CLEC16A: variants seen among roughly 807,000 people sequenced by gnomAD.
The protein encoded by CLEC16A is C-type lectin domain containing 16A.
In CLEC16A, 51 loss-of-function variants were observed where a neutral mutation model predicts 109.5. The observed-to-expected ratio is 0.47, with a 90% CI of 0.37 to 0.59. The LOEUF (loss-of-function observed/expected upper bound fraction) is 0.59, where lower values mean the gene tolerates loss of function less well. CLEC16A is among the 20% of genes least tolerant of loss of function. CLEC16A has a pLI of 0.00. For synonymous variants in CLEC16A, 673 were observed against 564.2 expected (o/e 1.19, Z -2.73); for missense variants, 1,339 against 1,394.0 (o/e 0.96, Z 0.63).
chr16:11,031,228 A>G (rs1454564512), intron 13 of CLEC16A, among the ~76,000 whole-genome samples: 1 of 152,202 alleles, frequency 6.6e-6, no homozygotes, highest in Non-Finnish European at 1.5e-5. Flanking sequence ...CCCCAAGGCC[A>G]TCTCTTCCTG....
At chr16:11,053,863 A>G (rs12102345) in intron 18 of CLEC16A, among the ~76,000 whole-genome samples, 35,187 of 152,182 alleles carry the variant, frequency 0.23, 6,013 homozygotes, top group African/African-American at 0.48. Flanking sequence ...TGGGACAGCA[A>G]AAACACAGCC....
intron 11 of CLEC16A, among the ~76,000 whole-genome samples, chr16:11,014,854 A>G (rs1225065277): frequency 6.6e-6 from 1 of 152,200 alleles, no homozygotes; most frequent in African/African-American, 2.4e-5. Flanking sequence ...AGTGGCACAG[A>G]ACCGTGCCAA....
chr16:11,046,613 G>A (rs563243499), intron 16 of CLEC16A, among the ~76,000 whole-genome samples: 1 of 152,104 alleles, frequency 6.6e-6, no homozygotes, highest in Non-Finnish European at 1.5e-5. Context: ...GTGCCTCCTC[G>A]CATTTCATGT....
intron 7 of CLEC16A, among the ~76,000 whole-genome samples, chr16:10,976,325 G>A (rs936780519): frequency 7.1e-6 from 1 of 140,138 alleles, no homozygotes; most frequent in African/African-American, 2.9e-5. Context: ...TGTAAAAGAA[G>A]CAGAATTGAT....
chr16:11,118,118 T>A (rs1018588744), intron 19 of CLEC16A, among the ~76,000 whole-genome samples: 22 of 151,562 alleles, frequency 1.5e-4, no homozygotes, highest in African/African-American at 5.1e-4. Context: ...GTGAGGCTAA[T>A]TTTTTTTCTG....
chr16:11,152,061 C>G (rs1034331388), intron 22 of CLEC16A, among the ~76,000 whole-genome samples: 12 of 152,150 alleles, frequency 7.9e-5, no homozygotes, highest in African/African-American at 2.9e-4. Context: ...GGCTAGGAAC[C>G]AGCATTGAAC....
intron 19 of CLEC16A, among the ~76,000 whole-genome samples, chr16:11,089,727 C>A (rs150039012): frequency 1.3e-5 from 2 of 152,240 alleles, no homozygotes; most frequent in African/African-American, 4.8e-5. Flanking sequence ...CCCAGGTGGC[C>A]AGGGAAGGGC....
chr16:11,126,937 C>G (rs2052867168), intron 22 of CLEC16A: 1 of 152,198 alleles, frequency 6.6e-6, no homozygotes, highest in South Asian at 2.1e-4. Flanking sequence ...GATTTAAGAA[C>G]AAAACGCAGC....
At chr16:11,109,931 C>T (rs960652373) in intron 19 of CLEC16A, among the ~76,000 whole-genome samples, 3 of 152,218 alleles carry the variant, frequency 2.0e-5, no homozygotes, top group African/African-American at 7.2e-5. Flanking sequence ...TGGATATCCC[C>T]CTGTAAGGAA....
chr16:11,056,600 AC>A (rs2048226108), intron 18 of CLEC16A: 1 of 152,226 alleles, frequency 6.6e-6, no homozygotes. Context: ...ATTTGTCCCC[AC>A]ATTGTTTCCC....
At chr16:11,041,126 T>C (rs1417158306) in intron 14 of CLEC16A, 1 of 152,238 alleles carries the variant, frequency 6.6e-6, no homozygotes, top group African/African-American at 2.4e-5. Context: ...GGGTTTTGGC[T>C]TTCTGAGCAC....
In CLEC16A at chr16:11,178,303, A is replaced by T; in HGVS notation, c.2807-32A>T. On this transcript the variant is annotated intron_variant, in intron 23 of 23. Coordinates refer to ENST00000409790, the MANE Select transcript of CLEC16A (RefSeq NM_015226.3). The surrounding 1 kb of genome is among the most constrained non-coding windows in gnomAD (Gnocchi z 6.5). ...GTGCGACGGGGTGTCTCAAGGGCTC[A>T]GTGTGTTTCCGGTTTTTCTCCCCCA... The T allele has an allele frequency of 2.6e-6, 4 of 1,565,392 alleles. No individual in the cohort carries two copies. The highest frequency in any genetic ancestry group is 3.5e-6 in the Non-Finnish European group (4 of 1,144,896).
At chr16:11,146,157 G>C (rs554651345) in intron 22 of CLEC16A, among the ~76,000 whole-genome samples, 1 of 152,274 alleles carries the variant, frequency 6.6e-6, no homozygotes, top group South Asian at 2.1e-4. Flanking sequence ...GGTCTTGCCA[G>C]ATATTCTATA....
intron 19 of CLEC16A, among the ~76,000 whole-genome samples, chr16:11,087,763 G>A (rs545986303): frequency 2.0e-4 from 30 of 152,226 alleles, no homozygotes; most frequent in East Asian, 3.8e-4. Flanking sequence ...CAAGCTCATC[G>A]GTCAGCTTTT....
intron 16 of CLEC16A, 98 bp from the exon 17 acceptor site, chr16:11,047,194 G>T (rs1225731585): frequency 1.1e-6 from 1 of 870,742 alleles, no homozygotes; most frequent in Non-Finnish European, 1.7e-6. Context: ...ATGAGAAACA[G>T]ATGGCCTCTA....
chr16:11,000,300 G>A (rs2044593728), intron 10 of CLEC16A, among the ~76,000 whole-genome samples: 1 of 152,200 alleles, frequency 6.6e-6, no homozygotes, highest in Admixed American at 6.5e-5. Flanking sequence ...CACTTCGTCA[G>A]TTCTGCCAGT....
At chr16:10,959,485 A>C (rs1017054746) in intron 2 of CLEC16A, among the ~76,000 whole-genome samples, 3 of 152,126 alleles carry the variant, frequency 2.0e-5, no homozygotes, top group African/African-American at 7.2e-5. Flanking sequence ...TCTGCCTCCC[A>C]GTTTCAAGCA....
At chr16:11,028,194 G>C (rs902179434) in intron 13 of CLEC16A, among the ~76,000 whole-genome samples, 4 of 152,168 alleles carry the variant, frequency 2.6e-5, no homozygotes, top group African/African-American at 9.7e-5. Context: ...GCGAAACTCT[G>C]TCTCAACAAA....
At position 11,178,905 on chromosome 16, in the gene CLEC16A, C is replaced by A; in HGVS notation, c.*215C>A. The A allele has an allele frequency of 2.0e-6, 1 of 505,298 alleles. No homozygotes were observed. The highest frequency in any genetic ancestry group is 3.5e-6 in the Non-Finnish European group (1 of 289,622). The allele number at this position is 505,298 out of a possible 1,614,324, so 31.3% of individuals were successfully genotyped here. ...CATCTCTTCACGTGCAGGCTGGGAC[C>A]AGCGGAGACACCGCGGCGAATGCAG... On this transcript the variant is annotated 3_prime_UTR_variant, in exon 24 of 24. Transcript: ENST00000409790. The surrounding 1 kb of genome is among the most constrained non-coding windows in gnomAD (Gnocchi z 6.5).
Sources: allele counts gnomAD v4.1 joint callset (sites outside exome capture counted in the v4.1 genomes callset), GRCh38; gene constraint gnomAD v4.1.1; non-coding constraint Gnocchi (gnomAD v3.1); transcripts MANE v1.5; gene names NCBI Gene and HGNC (gene_info 2026-07-23, HGNC 2026-07-21).